MIS18A: variants seen among roughly 807,000 people sequenced by gnomAD.
MIS18A encodes MIS18 kinetochore protein A.
MIS18A carries 14 observed loss-of-function variants against 25.0 expected under a neutral mutation model. The ratio of observed to expected loss-of-function variants is 0.56; its 90% confidence interval spans 0.37 to 0.88. MIS18A has a LOEUF of 0.88. MIS18A is among the 40% of genes least tolerant of loss of function. The pLI is 0.00. For synonymous variants in MIS18A, 134 were observed against 118.6 expected (o/e 1.13, Z -0.84); for missense variants, 292 against 290.8 (o/e 1.00, Z -0.03).
At chr21:32,216,507 G>A in the MIS18A span, among the ~76,000 whole-genome samples, 7 of 152,366 alleles carry the variant, frequency 4.6e-5, no homozygotes, top group Non-Finnish European at 8.8e-5. Context: ...TTGACTGCCT[G>A]AGGCAGTAGA....
the MIS18A span, among the ~76,000 whole-genome samples, chr21:32,193,509 TA>T: frequency 1.8e-5 from 2 of 109,432 alleles, no homozygotes; most frequent in South Asian, 2.7e-4. Flanking sequence ...GATAGATAGA[TA>T]GATAGATAGA....
At chr21:32,155,936 T>C in the MIS18A span, among the ~76,000 whole-genome samples, 1 of 135,100 alleles carries the variant, frequency 7.4e-6, no homozygotes, top group African/African-American at 2.7e-5. Context: ...AAATAACCAG[T>C]GTCACCAATT....
chr21:32,176,341 T>A, the MIS18A span, among the ~76,000 whole-genome samples: 14 of 152,172 alleles, frequency 9.2e-5, no homozygotes, highest in African/African-American at 3.1e-4. Flanking sequence ...GGATATGACA[T>A]CACTAGGTGA....
rs2031876334 is a variant in MIS18A, at chr21:32,278,888, G to A, written c.127C>T (p.Gln43Ter). The change falls in exon 1 of 5, where the codon CAG becomes TAG. Residue 43 changes from glutamine to a stop codon, truncating the protein, a stop_gained. Coordinates refer to ENST00000290130, the MANE Select transcript of MIS18A (RefSeq NM_018944.3). LOFTEE classifies it high-confidence loss of function. ...ATGCTCGCCCACTTCTGCAACAGCT[G>A]GTGGCGGCTCGAGTCTTCGGAGAGT... ...KRLSEDSSRH[Q>*]LLQKWASMWS... 1 of 1,613,424 alleles carries A rather than the reference G, an allele frequency of 6.2e-7. No individual in the cohort carries two copies. The highest frequency in any genetic ancestry group is 8.5e-7 in the Non-Finnish European group (1 of 1,179,952).
chr21:32,209,552 C>T, the MIS18A span, among the ~76,000 whole-genome samples: 1 of 152,128 alleles, frequency 6.6e-6, no homozygotes, highest in Admixed American at 6.5e-5. Flanking sequence ...ATAACTTTTG[C>T]ACCAACATAA....
the MIS18A span, among the ~76,000 whole-genome samples, chr21:32,256,911 A>G: frequency 0.069 from 9,592 of 139,058 alleles, 357 homozygotes; most frequent in Middle Eastern, 0.13. Flanking sequence ...CTTACAGAGG[A>G]AAAAAAAACA....
the MIS18A span, among the ~76,000 whole-genome samples, chr21:32,222,657 C>T: frequency 4.5e-3 from 686 of 152,160 alleles, 38 homozygotes; most frequent in East Asian, 0.11. Context: ...ACCAGCCAGG[C>T]GTGGTGGCTC....
chr21:32,189,573 C>T, the MIS18A span, among the ~76,000 whole-genome samples: 88 of 152,348 alleles, frequency 5.8e-4, no homozygotes, highest in African/African-American at 2.0e-3. Context: ...GCCACCACTC[C>T]CAGCCATGCC....
chr21:32,219,318 C>T, the MIS18A span, among the ~76,000 whole-genome samples: 1 of 152,076 alleles, frequency 6.6e-6, no homozygotes, highest in African/African-American at 2.4e-5. Flanking sequence ...GGGTGCAGCC[C>T]ACAGAGGGTG....
the MIS18A span, among the ~76,000 whole-genome samples, chr21:32,157,939 G>A: frequency 6.6e-6 from 1 of 152,110 alleles, no homozygotes; most frequent in African/African-American, 2.4e-5. Flanking sequence ...TAAATTACTG[G>A]AGAGTTTTGA....
Position 32,268,940 on chromosome 21 carries a change from CTTTTTTTTTTT to C in MIS18A, c.*86_*96del. On this transcript the variant is annotated 3_prime_UTR_variant, in exon 5 of 5. Coordinates refer to ENST00000290130, the MANE Select transcript of MIS18A (RefSeq NM_018944.3). Reference sequence around the variant, plus strand: ...CGCATGCCTGGCTAATTTTTTTTTTCTTTTTTTTTTTGTAGAGACGACGTCTCACTATGTTG... The same window carrying C: ...CGCATGCCTGGCTAATTTTTTTTTTCGTAGAGACGACGTCTCACTATGTTG... 1 of 552,146 alleles carries C rather than the reference CTTTTTTTTTTT, an allele frequency of 1.8e-6. No homozygotes were observed. Among genetic ancestry groups the C allele is most frequent in the Non-Finnish European group, 2.8e-6 (1 of 361,232 alleles). The allele number at this position is 552,146 out of a possible 1,614,324, so 34.2% of individuals were successfully genotyped here. A position where few individuals can be genotyped will look rare whatever the true frequency, so the allele number is the denominator to read the frequency against.
At chr21:32,226,359 C>T in the MIS18A span, among the ~76,000 whole-genome samples, 1 of 151,214 alleles carries the variant, frequency 6.6e-6, no homozygotes, top group Non-Finnish European at 1.5e-5. Context: ...ACAAAAGACG[C>T]ATTTTAAACT....
the MIS18A span, among the ~76,000 whole-genome samples, chr21:32,204,315 C>T: frequency 0.54 from 82,386 of 151,194 alleles, 24,865 homozygotes; most frequent in African/African-American, 0.82. Context: ...TGGCCAAGAT[C>T]ATGAAACCCC....
the MIS18A span, among the ~76,000 whole-genome samples, chr21:32,210,033 A>C: frequency 6.6e-6 from 1 of 152,328 alleles, no homozygotes; most frequent in South Asian, 2.1e-4. Flanking sequence ...CAGGATGAAC[A>C]GAGTTGTTGG....
Position 32,269,050 on chromosome 21 carries a change from G to C in MIS18A, c.689C>G (p.Thr230Ser). 6.2e-7 allele frequency: 1 copy of C among 1,601,030 alleles called. No individual in the cohort carries two copies. The highest frequency in any genetic ancestry group is 8.5e-7 in the Non-Finnish European group (1 of 1,171,888). The change falls in exon 5 of 5, where the codon ACT becomes AGT. Residue 230 changes from threonine (T) to serine (S), a missense_variant. Transcript: ENST00000290130. ...ACAGACTAGAGTTCAGCTTTTACAA[G>C]TGGCAAAGGACAATTTGGATTCGGC... is the stretch of plus-strand genomic sequence containing the variant. ...WEAESKLSFATCKS is the reference protein window; with the variant it reads ...WEAESKLSFASCKS
At chr21:32,263,258 G>A (rs547822268), downstream of MIS18A, among the ~76,000 whole-genome samples, 19 of 152,200 alleles carry the variant, frequency 1.2e-4, 1 homozygote, top group South Asian at 2.9e-3. Context: ...AGGTATTTTG[G>A]GTTTTCTCCA....
chr21:32,220,090 G>C, the MIS18A span, among the ~76,000 whole-genome samples: 6 of 152,240 alleles, frequency 3.9e-5, no homozygotes, highest in African/African-American at 1.4e-4. Context: ...ACTCTGAAGA[G>C]AGCAGTGGAT....
chr21:32,182,399 T>A, the MIS18A span, among the ~76,000 whole-genome samples: 1 of 131,530 alleles, frequency 7.6e-6, no homozygotes, highest in Non-Finnish European at 1.6e-5. Flanking sequence ...ATGAACAGCA[T>A]CCCCCCCACA....
At chr21:32,191,820 G>A in the MIS18A span, among the ~76,000 whole-genome samples, 117 of 152,128 alleles carry the variant, frequency 7.7e-4, no homozygotes, top group African/African-American at 2.6e-3. Context: ...CAGCAGAATC[G>A]CTTCAACCCG....
Sources: allele counts gnomAD v4.1 joint callset (sites outside exome capture counted in the v4.1 genomes callset), GRCh38; gene constraint gnomAD v4.1.1; transcripts MANE v1.5; gene names NCBI Gene and HGNC (gene_info 2026-07-23, HGNC 2026-07-21).